B4GALT1: variants seen among roughly 807,000 people sequenced by gnomAD.
B4GALT1 encodes beta-1,4-galactosyltransferase 1, also known as N-acetyllactosamine synthase.
A neutral mutation model predicts 34.9 loss-of-function variants in B4GALT1; 16 were observed. The observed-to-expected ratio is 0.46, with a 90% CI of 0.31 to 0.70. The LOEUF is 0.70. Ranked by LOEUF, B4GALT1 falls within the 30% of genes least tolerant of loss-of-function variation. The pLI is 0.05. For missense variants in B4GALT1, 445 were observed against 530.5 expected (o/e 0.84, Z 1.58); for synonymous variants, 221 against 218.1 (o/e 1.01, Z -0.12).
intron 2 of B4GALT1, among the ~76,000 whole-genome samples, chr9:33,134,411 A>T (rs1434067775): frequency 1.3e-5 from 2 of 152,246 alleles, no homozygotes; most frequent in Non-Finnish European, 2.9e-5. Context: ...TTATAGTCTA[A>T]AAACATGAAT....
intron 1 of B4GALT1, among the ~76,000 whole-genome samples, chr9:33,140,019 TA>T (rs2118183386): frequency 6.6e-6 from 1 of 152,240 alleles, no homozygotes; most frequent in East Asian, 1.9e-4. Flanking sequence ...GCCTTGCATG[TA>T]AGTCGCTCAA....
intron 3 of B4GALT1, among the ~76,000 whole-genome samples, chr9:33,116,715 G>A (rs912536638): frequency 2.6e-5 from 4 of 151,716 alleles, no homozygotes; most frequent in African/African-American, 9.7e-5. Flanking sequence ...TACAGATGGG[G>A]TTTCACCATA....
intron 2 of B4GALT1, among the ~76,000 whole-genome samples, chr9:33,125,052 T>C (rs906893668): frequency 6.6e-6 from 1 of 152,158 alleles, no homozygotes; most frequent in African/African-American, 2.4e-5. Flanking sequence ...CCCTTCCTTC[T>C]AGGTCAACTG....
At chr9:33,170,308 TTAA>T (rs1840828375), upstream of B4GALT1, among the ~76,000 whole-genome samples, 2 of 152,194 alleles carry the variant, frequency 1.3e-5, no homozygotes, top group Admixed American at 1.3e-4. Flanking sequence ...TGTGATCATC[TTAA>T]TGATGTGGGA....
chr9:33,126,190 C>A (rs1237418524), intron 2 of B4GALT1, among the ~76,000 whole-genome samples: 1 of 152,194 alleles, frequency 6.6e-6, no homozygotes, highest in Admixed American at 6.5e-5. Flanking sequence ...TCTGTGCCCA[C>A]TGAGACAGTA....
Position 33,113,579 on chromosome 9 carries a change from G to A in B4GALT1, c.1072C>T (p.Arg358Ter), listed in dbSNP as rs1431246391. The A allele has an allele frequency of 1.2e-6, 2 of 1,614,114 alleles. No individual in the cohort carries two copies. The highest frequency in any genetic ancestry group is 1.7e-6 in the Non-Finnish European group (2 of 1,180,026). ...ATTGTCTCCTTTGTGTGTGCAATTCGGTCAAACCTACAAGGAAAAGAGCAC... is the reference window on the plus strand; with the variant it reads ...ATTGTCTCCTTTGTGTGTGCAATTCAGTCAAACCTACAAGGAAAAGAGCAC... ...KNEPNPQRFD[R>*]IAHTKETMLS... is the part of the protein sequence containing the mutation. Residue 358 changes from arginine to a stop codon, truncating the protein, a stop_gained, in exon 6 of 6, where the codon CGA becomes TGA. Coordinates refer to ENST00000379731, the MANE Select transcript of B4GALT1 (RefSeq NM_001497.4). LOFTEE classifies it high-confidence loss of function.
chr9:33,113,905 A>G (rs1839902924), intron 4 of B4GALT1, 27 bp from the exon 5 acceptor site: 8 of 1,606,500 alleles, frequency 5.0e-6, no homozygotes, highest in Non-Finnish European at 6.8e-6. Context: ...GAAAGTCATT[A>G]TCACAGAGCT....
At chr9:33,105,137 C>CTTAT (rs762779896) in intron 2 of B4GALT1, among the ~76,000 whole-genome samples, 1 of 151,358 alleles carries the variant, frequency 6.6e-6, no homozygotes, top group Non-Finnish European at 1.5e-5. Flanking sequence ...ACATTTTAAC[C>CTTAT]TTATTTATTT....
intron 2 of B4GALT1, among the ~76,000 whole-genome samples, chr9:33,132,178 T>C (rs1335641979): frequency 1.3e-5 from 2 of 151,990 alleles, no homozygotes; most frequent in Middle Eastern, 3.4e-3. Flanking sequence ...GTATATATGT[T>C]TGAAAAACCA....
chr9:33,155,365 C>T (rs532583766), intron 1 of B4GALT1, among the ~76,000 whole-genome samples: 7 of 152,194 alleles, frequency 4.6e-5, no homozygotes, highest in Non-Finnish European at 8.8e-5. Context: ...AGACTGAGCC[C>T]GCCTACATCT....
chr9:33,150,864 G>C lies in B4GALT1; in HGVS notation c.413-15440C>G, dbSNP rs1005001866. On this transcript the variant is annotated intron_variant, in intron 1 of 5. Transcript: ENST00000379731. The stretch of plus-strand genomic sequence containing the variant: ...TTGCCTGTGATATACCTGGGAAATA[G>C]AAGTGGGAATGAGGACAAAATAAAA... Among the ~76,000 whole-genome samples, 4 of 152,288 alleles carry C rather than the reference G, an allele frequency of 2.6e-5. No homozygotes were observed. In the East Asian group the frequency reaches 7.7e-4, roughly 29 times the overall value.
In B4GALT1 at chr9:33,114,894, C is replaced by A. The variant is rs148988567; in HGVS notation, c.960-1016G>T. Among the ~76,000 whole-genome samples, 143 of 152,336 alleles carry A rather than the reference C, an allele frequency of 9.4e-4. 1 individual carries two copies. Among genetic ancestry groups the A allele is most frequent in the Non-Finnish European group, 1.7e-3 (113 of 68,028 alleles). On this transcript the variant is annotated intron_variant, in intron 4 of 5. Transcript: ENST00000379731. ...CACTGCGTTAGCATGGGACTAGATGCCTGCGGATGCTCCCTCCCTCCCCAG... is the reference window on the plus strand; with the variant it reads ...CACTGCGTTAGCATGGGACTAGATGACTGCGGATGCTCCCTCCCTCCCCAG...
intron 1 of B4GALT1, among the ~76,000 whole-genome samples, chr9:33,151,550 C>T (rs1172871622): frequency 6.6e-6 from 1 of 152,224 alleles, no homozygotes; most frequent in Non-Finnish European, 1.5e-5. Flanking sequence ...CTCCAATTTC[C>T]TTCTCTAAGG....
rs370123101 is a variant in B4GALT1, at chr9:33,120,194, C to CA, written c.836+224dup. On this transcript the variant is annotated intron_variant, in intron 3 of 5. Transcript: ENST00000379731. Reference sequence around the variant, plus strand: ...GCCAGACCCTGTCTCAAAAAACAAACAAAAAAAAAAAAGGGGGGAAAATTT... The same window carrying CA: ...GCCAGACCCTGTCTCAAAAAACAAACAAAAAAAAAAAAAGGGGGGAAAATTT... 4.6e-3 allele frequency among the ~76,000 whole-genome samples: 595 copies of CA among 129,896 alleles called. 2 individuals are homozygous for CA. The highest frequency in any genetic ancestry group is 6.9e-3 in the Admixed American group (89 of 12,960). The allele number at this position is 129,896 out of a possible 152,430, so 85.2% of individuals were successfully genotyped here. A position where few individuals can be genotyped will look rare whatever the true frequency, so the allele number is the denominator to read the frequency against.
At chr9:33,134,396 G>GGAGGTTATA (rs1276294776) in intron 2 of B4GALT1, among the ~76,000 whole-genome samples, 2 of 152,188 alleles carry the variant, frequency 1.3e-5, no homozygotes, top group Non-Finnish European at 2.9e-5. Context: ...ATTGCACCTA[G>GGAGGTTATA]GAGGTTATAG....
intron 2 of B4GALT1, among the ~76,000 whole-genome samples, 184 bp downstream of exon 2, chr9:33,135,005 A>G (rs1159649375): frequency 6.6e-6 from 1 of 152,202 alleles, no homozygotes; most frequent in Non-Finnish European, 1.5e-5. Flanking sequence ...GTTGACAGCA[A>G]TAGGCAAGCA....
At chr9:33,133,759 G>C (rs1840226896) in intron 2 of B4GALT1, among the ~76,000 whole-genome samples, 1 of 152,148 alleles carries the variant, frequency 6.6e-6, no homozygotes, top group Admixed American at 6.6e-5. Flanking sequence ...CAGTTTCCTT[G>C]TAACAGGGCT....
At chr9:33,143,977 A>T (rs1241940159) in intron 1 of B4GALT1, among the ~76,000 whole-genome samples, 1 of 150,514 alleles carries the variant, frequency 6.6e-6, no homozygotes, top group Admixed American at 6.6e-5. Context: ...GGCCCAAGCG[A>T]TCCTCCTGGG....
chr9:33,117,991 C>T (rs1399156738), intron 3 of B4GALT1, among the ~76,000 whole-genome samples: 1 of 152,206 alleles, frequency 6.6e-6, no homozygotes, highest in Non-Finnish European at 1.5e-5. Context: ...AAGCCCAAAC[C>T]TGCCAGGCTC....
Sources: gnomAD v4.1 joint callset for allele counts (sites outside exome capture counted in the v4.1 genomes callset) on GRCh38, gnomAD v4.1.1 for gene constraint, MANE v1.5 for transcripts, NCBI Gene and HGNC (gene_info 2026-07-23, HGNC 2026-07-21) for gene names.